The following CHID1 variants were observed in gnomAD, a reference collection of about 807,000 sequenced individuals.
The protein encoded by CHID1 is chitinase domain-containing protein 1.
CHID1 carries 44 observed loss-of-function variants against 55.4 expected under a neutral mutation model. The observed-to-expected ratio is 0.79, with a 90% CI of 0.62 to 1.02. The LOEUF is 1.02. Among genes scored for constraint, CHID1 ranks in the 50% least tolerant of loss-of-function variants. The pLI is 0.00. For missense variants in CHID1, 491 were observed against 515.3 expected (o/e 0.95, Z 0.46); for synonymous variants, 216 against 212.9 (o/e 1.01, Z -0.13).
At chr11:894,504 C>A (rs1345779729) in intron 7 of CHID1, among the ~76,000 whole-genome samples, 1 of 152,212 alleles carries the variant, frequency 6.6e-6, no homozygotes, top group Non-Finnish European at 1.5e-5. Flanking sequence ...GGAGCACATG[C>A]TGCTGCAAAG....
intron 9 of CHID1, 109 bp from the exon 10 acceptor site, chr11:883,412 C>A: frequency 2.6e-6 from 3 of 1,148,312 alleles, no homozygotes; most frequent in Non-Finnish European, 3.7e-6. Flanking sequence ...GCGGCTGACA[C>A]CTCTAGAGAG....
In CHID1 at chr11:910,761, G is replaced by A. The variant is rs1427367476; in HGVS notation, c.-44+14C>T. The A allele has an allele frequency of 1.7e-6, 2 of 1,177,794 alleles. No homozygotes were observed. Among genetic ancestry groups the A allele is most frequent in the African/African-American group, 1.7e-5 (1 of 59,644 alleles). 73.0% of individuals were successfully genotyped at this position (1,177,794 alleles called of 1,614,324 possible). On this transcript the variant is annotated intron_variant, in intron 1 of 12. Transcript: ENST00000323578. ...CAAGGAGGAGGAGCAGGGGCCGGCC[G>A]CCGCGGGGCTCACCTGCATGTCAGG...
chr11:904,558 C>G (rs1390036945), intron 2 of CHID1, 148 bp downstream of exon 2: 1 of 851,912 alleles, frequency 1.2e-6, no homozygotes, highest in African/African-American at 1.7e-5. Flanking sequence ...ACACAGGCCA[C>G]CCACCGGCTG....
At chr11:898,317 G>A (rs1044935142) in intron 7 of CHID1, among the ~76,000 whole-genome samples, 13 of 152,192 alleles carry the variant, frequency 8.5e-5, no homozygotes, top group Admixed American at 5.2e-4. Flanking sequence ...GCTCAGGCCC[G>A]GGCTCTTAAA....
intron 8 of CHID1, among the ~76,000 whole-genome samples, chr11:890,260 C>T (rs1348637717): frequency 2.6e-5 from 4 of 152,316 alleles, no homozygotes; most frequent in African/African-American, 7.2e-5. Context: ...TGCCAGCACG[C>T]GGCCTGCCCC....
At position 910,810 on chromosome 11, in the gene CHID1, C is replaced by T. The variant is rs1436410780; in HGVS notation, c.-79G>A. ...GGGAGGCCGGACGGCCACAAACGCA[C>T]GGCCGGAAAACGCTCCAGCGCGCCG... On this transcript the variant is annotated 5_prime_UTR_variant, in exon 1 of 13. The change creates a new upstream start codon in the 5' untranslated region. Coordinates refer to ENST00000323578, the MANE Select transcript of CHID1 (RefSeq NM_023947.4). 2.7e-6 allele frequency: 3 copies of T among 1,109,180 alleles called. No homozygotes were observed. Among genetic ancestry groups the T allele is most frequent in the Admixed American group, 5.7e-5 (1 of 17,424 alleles). 68.7% of individuals were successfully genotyped at this position (1,109,180 alleles called of 1,614,324 possible). A position where few individuals can be genotyped will look rare whatever the true frequency, so the allele number is the denominator to read the frequency against.
intron 7 of CHID1, among the ~76,000 whole-genome samples, chr11:895,178 C>T (rs1851170338): frequency 6.6e-6 from 1 of 152,136 alleles, no homozygotes; most frequent in African/African-American, 2.4e-5. Flanking sequence ...CTGACCCTAC[C>T]TGGGGGTCTC....
chr11:876,033 G>A (rs896088656), intron 10 of CHID1, among the ~76,000 whole-genome samples: 7 of 152,134 alleles, frequency 4.6e-5, no homozygotes, highest in African/African-American at 1.7e-4. Context: ...TAGGGCGGTC[G>A]CAGCTAATAA....
At chr11:914,471 G>A, upstream of CHID1, 1 of 1,215,216 alleles carries the variant, frequency 8.2e-7, no homozygotes, top group Non-Finnish European at 1.1e-6. Flanking sequence ...CTGCAGAGAT[G>A]AGTGTTTCTG....
Position 890,982 on chromosome 11 carries a change from C to T in CHID1, c.701+2445G>A, listed in dbSNP as rs375320035. Reference sequence around the variant, plus strand: ...AGAGAGCGAGCCTGTGTGCTGGCAGCGCTGCTCTTGGGAGGTGAGTGACAA... The same window carrying T: ...AGAGAGCGAGCCTGTGTGCTGGCAGTGCTGCTCTTGGGAGGTGAGTGACAA... On this transcript the variant is annotated intron_variant, in intron 8 of 12. Transcript: ENST00000323578. Among the ~76,000 whole-genome samples the T allele has an allele frequency of 2.8e-3, 420 of 152,280 alleles. 1 individual carries two copies. Among genetic ancestry groups the T allele is most frequent in the Middle Eastern group, 0.014 (4 of 294 alleles).
At position 873,557 on chromosome 11, in the gene CHID1, A is replaced by G. The variant is rs1012430188; in HGVS notation, c.960-3058T>C. Among the ~76,000 whole-genome samples the G allele has an allele frequency of 2.6e-5, 4 of 152,050 alleles. No homozygotes were observed. In the East Asian group the frequency reaches 5.8e-4, roughly 22 times the overall value. ...TGAAAGTCCGAGAGTGGGTGCAGGG[A>G]GCACTGCAGGAGCCCAAGGGAGGGA... On this transcript the variant is annotated intron_variant, in intron 10 of 12. Coordinates refer to ENST00000323578, the MANE Select transcript of CHID1 (RefSeq NM_023947.4).
At chr11:913,114 G>T (rs1421642808), upstream of CHID1, among the ~76,000 whole-genome samples, 1 of 150,902 alleles carries the variant, frequency 6.6e-6, no homozygotes, top group Non-Finnish European at 1.5e-5. Flanking sequence ...TAATCCCAAT[G>T]CTTTGGGAGG....
intron 10 of CHID1, among the ~76,000 whole-genome samples, chr11:876,980 C>T (rs1310056899): frequency 6.6e-6 from 1 of 152,168 alleles, no homozygotes; most frequent in Admixed American, 6.5e-5. Context: ...TGCCCACACC[C>T]CTCCTCTGTG....
intron 4 of CHID1, among the ~76,000 whole-genome samples, chr11:901,608 A>G (rs2134320080): frequency 6.6e-6 from 1 of 152,312 alleles, no homozygotes; most frequent in South Asian, 2.1e-4. Flanking sequence ...GAGGAGGAGA[A>G]GCCAATGGCC....
At position 870,429 on chromosome 11, in the gene CHID1, C is replaced by G; in HGVS notation, c.1030G>C (p.Glu344Gln). ...WDSQASEHFFEYKKSRSGRHV... is the reference protein window; with the variant it reads ...WDSQASEHFFQYKKSRSGRHV... ...CTTCAAAACACTCACTTCTTGTACT[C>G]GAAGAAGTGCTCTGAGGCCTGGCTG... The change falls in exon 11 of 13, where the codon GAG becomes CAG. Residue 344 changes from glutamate (E) to glutamine (Q), a missense_variant. By Grantham distance (29) the Glu-to-Gln change is conservative (BLOSUM62 2). Coordinates refer to ENST00000323578, the MANE Select transcript of CHID1 (RefSeq NM_023947.4). The G allele has an allele frequency of 6.2e-7, 1 of 1,610,298 alleles. No individual in the cohort carries two copies. The highest frequency in any genetic ancestry group is 1.3e-5 in the African/African-American group (1 of 75,006).
chr11:904,742 A>T lies in CHID1; in HGVS notation c.75T>A (p.Asp25Glu). ...SPVHTTLSKS[D>E]AKKAASKTLL... Reference sequence around the variant, plus strand: ...GCGTCTTTGAGGCGGCTTTTTTGGCATCTGACTTTGACAGGGTAGTGTGAA... The same window carrying T: ...GCGTCTTTGAGGCGGCTTTTTTGGCTTCTGACTTTGACAGGGTAGTGTGAA... Residue 25 changes from aspartate (D) to glutamate (E), a missense_variant, in exon 2 of 13, where the codon GAT (aspartate) becomes GAA (glutamate). By Grantham distance (45) the Asp-to-Glu change is conservative. Transcript: ENST00000323578. 1 of 1,614,100 alleles carries T rather than the reference A, an allele frequency of 6.2e-7. No individual in the cohort carries two copies. Among genetic ancestry groups the T allele is most frequent in the Non-Finnish European group, 8.5e-7 (1 of 1,180,014 alleles).
chr11:914,663 C>T, upstream of CHID1: 1 of 816,970 alleles, frequency 1.2e-6, no homozygotes, highest in Non-Finnish European at 1.8e-6. Flanking sequence ...ATCAAGGCTG[C>T]AGTGAGCTGT....
chr11:889,718 C>T (rs1317960515), intron 8 of CHID1, among the ~76,000 whole-genome samples: 2 of 152,176 alleles, frequency 1.3e-5, no homozygotes, highest in Non-Finnish European at 2.9e-5. Context: ...AATGCCAGTC[C>T]CCAACCCTAA....
intron 8 of CHID1, among the ~76,000 whole-genome samples, chr11:892,188 C>T (rs954431820): frequency 6.6e-5 from 10 of 152,238 alleles, no homozygotes; most frequent in African/African-American, 2.2e-4. Flanking sequence ...AGACCCCAGC[C>T]CTGGACTTGG....
Sources: gnomAD v4.1 joint callset for allele counts (sites outside exome capture counted in the v4.1 genomes callset) on GRCh38, gnomAD v4.1.1 for gene constraint, MANE v1.5 for transcripts, NCBI Gene and HGNC (gene_info 2026-07-23, HGNC 2026-07-21) for gene names.